Variants in RYR3 observed in about 807,000 individuals in gnomAD.
The protein encoded by RYR3 is brain ryanodine receptor-calcium release channel.
RYR3 carries 207 observed loss-of-function variants against 584.3 expected under a neutral mutation model. The ratio of observed to expected loss-of-function variants is 0.35; its 90% CI spans 0.32 to 0.40. The LOEUF is 0.40. RYR3 is among the 10% of genes least tolerant of loss of function. RYR3 has a pLI of 1.00. For missense variants in RYR3, 5,616 were observed against 6,089.2 expected, an observed-to-expected ratio of 0.92 and a Z score of 2.59; for synonymous variants, 2,416 against 2,248.5, an observed-to-expected ratio of 1.07 and a Z score of -2.11.
chr15:33,777,774 G>A (rs2074098058), intron 64 of RYR3, among the ~76,000 whole-genome samples: 1 of 127,766 alleles, frequency 7.8e-6, no homozygotes, highest in Admixed American at 8.0e-5. Flanking sequence ...TTTTAATTTT[G>A]GTCAAAGAAA....
Position 33,543,703 on chromosome 15 carries a change from A to G in RYR3, c.728A>G (p.Asp243Gly), listed in dbSNP as rs1300498359. The G allele has an allele frequency of 6.2e-7, 1 of 1,610,412 alleles. No homozygotes were observed. The highest frequency in any genetic ancestry group is 2.2e-5 in the East Asian group (1 of 44,852). Reference protein sequence around the residue: ...CLTIPSTDQNDSQHRRIFYEA... With the variant: ...CLTIPSTDQNGSQHRRIFYEA... ...ACGATACCATCTACAGACCAGAATG[A>G]TTCCCAGCACAGGTAAGTCAGTAGC... Residue 243 changes from aspartate (D) to glycine (G), a missense_variant, in exon 8 of 104, where the codon GAT becomes GGT. Around this residue, in one of 9 missense-constraint regions of RYR3, gnomAD observed 1,284 missense variants for 1,344.6 expected, o/e 0.95. Transcript: ENST00000634891.
At chr15:33,359,796 A>G (rs1229498249) in intron 1 of RYR3, among the ~76,000 whole-genome samples, 1 of 150,996 alleles carries the variant, frequency 6.6e-6, no homozygotes, top group Non-Finnish European at 1.5e-5. Context: ...TTTTTTTTGT[A>G]TTTTTTAGTG....
intron 49 of RYR3, among the ~76,000 whole-genome samples, chr15:33,736,959 C>T (rs2069534984): frequency 6.6e-6 from 1 of 152,056 alleles, no homozygotes; most frequent in Non-Finnish European, 1.5e-5. Flanking sequence ...GGGGTTTCAC[C>T]ATGTTGGCCA....
chr15:33,322,790 C>G (rs115979204), intron 1 of RYR3, among the ~76,000 whole-genome samples: 1,994 of 151,954 alleles, frequency 0.013, 43 homozygotes, highest in African/African-American at 0.046. Flanking sequence ...TTCTCTGGAA[C>G]CACATCATTT....
At chr15:33,776,289 T>C (rs1187476728) in intron 64 of RYR3, among the ~76,000 whole-genome samples, 1 of 152,250 alleles carries the variant, frequency 6.6e-6, no homozygotes, top group African/African-American at 2.4e-5. Flanking sequence ...ACACTGAGAA[T>C]GTCATTGACA....
rs1253815269 is a variant in RYR3, at chr15:33,838,808, TATC to T, written c.12831_12833del (p.Ile4277del). On this transcript the variant is annotated inframe_deletion, in exon 89 of 104. Transcript: ENST00000634891. ...TAAAGGGGGAGAAGGGAGATACAGATATCATGTCAGACCTCTTTGGACTCCACC... is the reference window on the plus strand; with the variant it reads ...TAAAGGGGGAGAAGGGAGATACAGATATGTCAGACCTCTTTGGACTCCACC... 13 of 1,613,912 alleles carry T rather than the reference TATC, an allele frequency of 8.1e-6. No individual in the cohort carries two copies. Among genetic ancestry groups the T allele is most frequent in the South Asian group, 1.1e-5 (1 of 91,060 alleles).
rs768446546 is a variant in RYR3 at position 33,601,622 on chromosome 15, G to A, written c.1922+70G>A. ...TGTCTTGTCCCCAAGCAGGAAAAGA[G>A]GGCTCATCTGAACTCCAAAGTTGCC... On this transcript the variant is annotated intron_variant, in intron 17 of 103. Coordinates refer to ENST00000634891, the MANE Select transcript of RYR3 (RefSeq NM_001036.6). The A allele has an allele frequency of 7.0e-6, 11 of 1,569,010 alleles. No homozygotes were observed. In the Admixed American group the frequency reaches 8.5e-5, roughly 12 times the overall value.
rs935119285 is a variant in RYR3 at position 33,859,937 on chromosome 15, T to G, written c.14299+206T>G. On this transcript the variant is annotated intron_variant, in intron 100 of 103. Transcript: ENST00000634891. ...CACCCAGGCACAGTTATAAGAAGCT[T>G]CATCCATACAGAGGAACCCCTTCCT... Among the ~76,000 whole-genome samples, 12 of 152,190 alleles carry G rather than the reference T, an allele frequency of 7.9e-5. No homozygotes were observed. In the East Asian group the frequency reaches 1.3e-3, roughly 17 times the overall value.
At chr15:33,714,033 TGAA>T (rs2067312027) in intron 43 of RYR3, among the ~76,000 whole-genome samples, 1 of 152,170 alleles carries the variant, frequency 6.6e-6, no homozygotes, top group Non-Finnish European at 1.5e-5. Context: ...ATATTGTAGA[TGAA>T]GACCCTGAAG....
chr15:33,834,313 C>CAT (rs2077885156), intron 86 of RYR3, among the ~76,000 whole-genome samples: 1 of 145,614 alleles, frequency 6.9e-6, no homozygotes, highest in South Asian at 2.2e-4. Flanking sequence ...CACACACACA[C>CAT]ACACACACAC....
rs547887175 is a variant in RYR3, at chr15:33,805,843, C to T, written c.10012-1712C>T. Among the ~76,000 whole-genome samples, 4 of 151,952 alleles carry T rather than the reference C, an allele frequency of 2.6e-5. No homozygotes were observed. The South Asian group carries it at 8.3e-4, about 32-fold the overall frequency. ...GTTTACTCACAGGCATGTGTGCATA[C>T]TCTGTCTCTCTCTCTCATAAATGTG... On this transcript the variant is annotated intron_variant, in intron 69 of 103. Coordinates refer to ENST00000634891, the MANE Select transcript of RYR3 (RefSeq NM_001036.6).
rs552206433 is a variant in RYR3, at chr15:33,407,297, G to A, written c.52-66122G>A. 4.6e-4 allele frequency among the ~76,000 whole-genome samples: 70 copies of A among 152,316 alleles called. 1 individual carries two copies. Among genetic ancestry groups the A allele is most frequent in the African/African-American group, 1.6e-3 (68 of 41,574 alleles). On this transcript the variant is annotated intron_variant, in intron 1 of 103. Coordinates refer to ENST00000634891, the MANE Select transcript of RYR3 (RefSeq NM_001036.6). ...TGTTCCAACTATAGTAGAGGGTGAC[G>A]AAGTAAATACATAATGTGACAGAAG...
chr15:33,656,492 T>G (rs2062830553), intron 32 of RYR3, among the ~76,000 whole-genome samples: 1 of 152,198 alleles, frequency 6.6e-6, no homozygotes, highest in East Asian at 1.9e-4. Flanking sequence ...GGCATTTTTT[T>G]TTTATTGTTG....
intron 1 of RYR3, among the ~76,000 whole-genome samples, chr15:33,438,644 A>G (rs993933804): frequency 2.0e-5 from 3 of 152,208 alleles, no homozygotes; most frequent in Admixed American, 2.0e-4. Flanking sequence ...ACCACATTGT[A>G]TTGAATTTAT....
intron 1 of RYR3, among the ~76,000 whole-genome samples, chr15:33,379,674 TC>T (rs2041023177): frequency 8.1e-6 from 1 of 123,678 alleles, no homozygotes; most frequent in African/African-American, 3.6e-5. Context: ...TCCCTCTCTC[TC>T]TCTCTCTCTC....
At chr15:33,708,941 G>A (rs12913815) in intron 43 of RYR3, among the ~76,000 whole-genome samples, 2 of 152,064 alleles carry the variant, frequency 1.3e-5, no homozygotes, top group South Asian at 2.1e-4. Context: ...TGAGTGCTTC[G>A]GCGGGAGTCA....
intron 1 of RYR3, among the ~76,000 whole-genome samples, chr15:33,336,936 T>A (rs1351555535): frequency 2.0e-5 from 3 of 150,716 alleles, no homozygotes; most frequent in African/African-American, 7.3e-5. Flanking sequence ...CGGGTGCCTG[T>A]AGTCCCAGCT....
chr15:33,815,633 G>C (rs961885368), intron 74 of RYR3, among the ~76,000 whole-genome samples: 1 of 152,160 alleles, frequency 6.6e-6, no homozygotes, highest in Non-Finnish European at 1.5e-5. Flanking sequence ...GCTGCTATGG[G>C]TGATCTCTCT....
intron 18 of RYR3, 140 bp from the exon 19 acceptor site, chr15:33,613,043 C>T (rs1467275153): frequency 9.7e-6 from 6 of 617,714 alleles, no homozygotes; most frequent in African/African-American, 7.4e-5. Context: ...AGGAAAGTTG[C>T]ATTTCAAATG....
Sources: allele counts gnomAD v4.1 joint callset (sites outside exome capture counted in the v4.1 genomes callset), GRCh38; gene constraint gnomAD v4.1.1; regional missense constraint gnomAD v4.1.1; transcripts MANE v1.5; gene names NCBI Gene and HGNC (gene_info 2026-07-23, HGNC 2026-07-21).